Variants in CFAP299 observed in about 807,000 individuals in gnomAD.
CFAP299 encodes cilia and flagella associated protein 299.
CFAP299 carries 21 observed loss-of-function variants against 27.0 expected under a neutral mutation model. The observed-to-expected ratio is 0.78, with a 90% CI of 0.55 to 1.12. The LOEUF is 1.12. Among genes scored for constraint, CFAP299 ranks in the 50% most tolerant of loss-of-function variants. CFAP299 has a pLI of 0.00. For missense variants in CFAP299, 310 were observed against 276.6 expected, an observed-to-expected ratio of 1.12 and a Z score of -0.86; for synonymous variants, 104 against 98.1, an observed-to-expected ratio of 1.06 and a Z score of -0.36.
At chr4:80,717,765 A>T (rs57400733) in intron 3 of CFAP299, among the ~76,000 whole-genome samples, 1,570 of 152,184 alleles carry the variant, frequency 0.01, 23 homozygotes, top group African/African-American at 0.035. Context: ...ATTTTGTATA[A>T]GTAAAAAATG....
intron 4 of CFAP299, among the ~76,000 whole-genome samples, chr4:80,879,149 G>T (rs1733562978): frequency 6.6e-6 from 1 of 152,028 alleles, no homozygotes; most frequent in African/African-American, 2.4e-5. Flanking sequence ...TGCTTCAGGG[G>T]ACACATTTCA....
At chr4:80,345,085 G>A (rs541364886) in intron 1 of CFAP299, among the ~76,000 whole-genome samples, 1 of 152,252 alleles carries the variant, frequency 6.6e-6, no homozygotes, top group East Asian at 1.9e-4. Context: ...CACAAGACAA[G>A]GATGTCCTCT....
chr4:80,450,193 A>C (rs1371744520), intron 2 of CFAP299, among the ~76,000 whole-genome samples: 2 of 152,172 alleles, frequency 1.3e-5, no homozygotes, highest in African/African-American at 2.4e-5. Flanking sequence ...ACCTCATATA[A>C]CTGCGAACTG....
chr4:80,642,808 T>C (rs1338599101), intron 3 of CFAP299, among the ~76,000 whole-genome samples: 2 of 151,950 alleles, frequency 1.3e-5, no homozygotes, highest in Non-Finnish European at 2.9e-5. Flanking sequence ...ATATTGTAGA[T>C]TTGTTTATGG....
intron 3 of CFAP299, among the ~76,000 whole-genome samples, chr4:80,813,030 C>T (rs1210756739): frequency 2.0e-5 from 3 of 152,090 alleles, no homozygotes; most frequent in African/African-American, 4.8e-5. Context: ...AGAGAAAAAG[C>T]GCATTGCTTT....
At chr4:80,520,908 A>T (rs1732877044) in intron 2 of CFAP299, among the ~76,000 whole-genome samples, 3 of 152,216 alleles carry the variant, frequency 2.0e-5, no homozygotes, top group Non-Finnish European at 4.4e-5. Flanking sequence ...GGGATAAAAA[A>T]TAGAGATCAA....
chr4:80,793,068 GAACT>G lies in CFAP299; in HGVS notation c.334-76922_334-76919del, dbSNP rs1386060615. ...ATGTGTTAGGGTTCTCTAGTGGACA[GAACT>G]AATAGGATATTTATATCCTATTAGT... On this transcript the variant is annotated intron_variant, in intron 3 of 5. Coordinates refer to ENST00000358105, the MANE Select transcript of CFAP299 (RefSeq NM_152770.3). Among the ~76,000 whole-genome samples, 4 of 151,694 alleles carry G rather than the reference GAACT, an allele frequency of 2.6e-5. No individual in the cohort carries two copies. In the East Asian group the frequency reaches 7.8e-4, roughly 29 times the overall value.
chr4:80,862,410 T>C (rs983845711), intron 3 of CFAP299, among the ~76,000 whole-genome samples: 1 of 151,790 alleles, frequency 6.6e-6, no homozygotes, highest in African/African-American at 2.4e-5. Flanking sequence ...ATAAAGCCAT[T>C]TAAAATATAG....
At chr4:80,842,402 T>A (rs1440561816) in intron 3 of CFAP299, among the ~76,000 whole-genome samples, 1 of 152,122 alleles carries the variant, frequency 6.6e-6, no homozygotes, top group African/African-American at 2.4e-5. Context: ...GACTTAGAAA[T>A]TCAGCACAGT....
At chr4:80,464,568 A>G (rs1729616338) in intron 2 of CFAP299, among the ~76,000 whole-genome samples, 1 of 152,114 alleles carries the variant, frequency 6.6e-6, no homozygotes, top group African/African-American at 2.4e-5. Context: ...CAAACTTCTC[A>G]TTTTTGTTTT....
At chr4:80,530,259 C>T (rs989676265) in intron 2 of CFAP299, among the ~76,000 whole-genome samples, 3 of 151,892 alleles carry the variant, frequency 2.0e-5, no homozygotes, top group African/African-American at 4.8e-5. Context: ...GCAGATATAT[C>T]GTGTTATGCT....
At chr4:80,655,697 C>T (rs146283907) in intron 3 of CFAP299, among the ~76,000 whole-genome samples, 13 of 152,110 alleles carry the variant, frequency 8.5e-5, no homozygotes, top group South Asian at 8.3e-4. Flanking sequence ...GCTGTTCAGA[C>T]GATTAGGCAC....
chr4:80,825,377 A>C (rs888942267), intron 3 of CFAP299, among the ~76,000 whole-genome samples: 2 of 151,986 alleles, frequency 1.3e-5, no homozygotes, highest in Non-Finnish European at 2.9e-5. Flanking sequence ...AAGCATCTCA[A>C]GTTTGATGAA....
chr4:80,442,666 G>T (rs1457852179), intron 2 of CFAP299, among the ~76,000 whole-genome samples: 1 of 152,112 alleles, frequency 6.6e-6, no homozygotes, highest in Non-Finnish European at 1.5e-5. Context: ...AAGACTAGCA[G>T]AAGACAAGAA....
At chr4:80,488,714 G>A (rs887229379) in intron 2 of CFAP299, among the ~76,000 whole-genome samples, 5 of 152,164 alleles carry the variant, frequency 3.3e-5, no homozygotes, top group Non-Finnish European at 7.4e-5. Context: ...CTGACCTTGT[G>A]ATCCGCCCAC....
At chr4:80,371,512 A>C (rs1724151716) in intron 2 of CFAP299, among the ~76,000 whole-genome samples, 1 of 152,210 alleles carries the variant, frequency 6.6e-6, no homozygotes, top group African/African-American at 2.4e-5. Context: ...TATAAGTTCC[A>C]GTTTTAGATT....
intron 4 of CFAP299, among the ~76,000 whole-genome samples, chr4:80,894,289 G>GT (rs1396793074): frequency 6.6e-6 from 1 of 151,836 alleles, no homozygotes. Flanking sequence ...CAGTTTCTTT[G>GT]TTCCCCCCAG....
intron 3 of CFAP299, among the ~76,000 whole-genome samples, chr4:80,587,925 A>G (rs1334723079): frequency 6.6e-6 from 1 of 151,474 alleles, no homozygotes; most frequent in East Asian, 1.9e-4. Flanking sequence ...CAGGTTCCCT[A>G]AAAGCAGAGC....
intron 3 of CFAP299, among the ~76,000 whole-genome samples, chr4:80,782,806 G>A (rs1047603285): frequency 1.3e-5 from 2 of 148,896 alleles, no homozygotes; most frequent in Non-Finnish European, 3.0e-5. Context: ...GGGTGCACAC[G>A]AGTGTGTAAT....
Sources: gnomAD v4.1 joint callset for allele counts (sites outside exome capture counted in the v4.1 genomes callset) on GRCh38, gnomAD v4.1.1 for gene constraint, MANE v1.5 for transcripts, NCBI Gene and HGNC (gene_info 2026-07-23, HGNC 2026-07-21) for gene names.